The following B3GAT2 variants were observed in gnomAD, a reference collection of about 807,000 sequenced individuals.
The protein encoded by B3GAT2 is beta-1,3-glucuronyltransferase 2.
B3GAT2 carries 26 observed loss-of-function variants against 27.8 expected under a neutral mutation model. The ratio of observed to expected loss-of-function variants is 0.93; its 90% confidence interval spans 0.68 to 1.30. B3GAT2 has a LOEUF of 1.30. Ranked by LOEUF, B3GAT2 falls within the 50% of genes most tolerant of loss-of-function variation. The pLI is 0.00. For synonymous variants in B3GAT2, 218 were observed against 195.1 expected, an observed-to-expected ratio of 1.12 and a Z score of -0.98; for missense variants, 458 against 459.0, an observed-to-expected ratio of 1.00 and a Z score of 0.02.
In B3GAT2 at chr6:70,859,394, G is replaced by A; in HGVS notation, c.*2269C>T. On this transcript the variant is annotated 3_prime_UTR_variant, in exon 4 of 4. Coordinates refer to ENST00000230053, the MANE Select transcript of B3GAT2 (RefSeq NM_080742.3). ...GTGCAATCTACTGGCCAATGACAAG[G>A]TGGTTAAAATGTCCTTTAGTAGGTA... 6.5e-7 allele frequency: 1 copy of A among 1,549,044 alleles called. No homozygotes were observed. Among genetic ancestry groups the A allele is most frequent in the Non-Finnish European group, 8.7e-7 (1 of 1,146,218 alleles).
At position 70,955,961 on chromosome 6, in the gene B3GAT2, T is replaced by C. The variant is rs773719748; in HGVS notation, c.469A>G (p.Thr157Ala). 6.6e-7 allele frequency: 1 copy of C among 1,509,756 alleles called. No homozygotes were observed. Among genetic ancestry groups the C allele is most frequent in the Non-Finnish European group, 8.8e-7 (1 of 1,135,450 alleles). The allele number at this position is 1,509,756 out of a possible 1,614,324, so 93.5% of individuals were successfully genotyped here. A position where few individuals can be genotyped will look rare whatever the true frequency, so the allele number is the denominator to read the frequency against. Reference sequence around the variant, plus strand: ...GCGAGGCCCGCGTTGCGCTGCTCAGTGGCGCGCGGCAGCCCGGGCCGCTTG... The same window carrying C: ...GCGAGGCCCGCGTTGCGCTGCTCAGCGGCGCGCGGCAGCCCGGGCCGCTTG... ...RYKRPGLPRA[T>A]EQRNAGLAWL... Residue 157 changes from threonine to alanine, a missense_variant, in exon 1 of 4, where the codon ACT becomes GCT. Coordinates refer to ENST00000230053, the MANE Select transcript of B3GAT2 (RefSeq NM_080742.3).
At chr6:70,906,985 A>G (rs1772612453) in intron 1 of B3GAT2, among the ~76,000 whole-genome samples, 2 of 152,228 alleles carry the variant, frequency 1.3e-5, no homozygotes, top group Admixed American at 1.3e-4. Flanking sequence ...ACTTACTGAG[A>G]ATGGTGCAGG....
Position 70,857,124 on chromosome 6 carries a change from C to T in B3GAT2, c.*4539G>A, listed in dbSNP as rs1023821611. On this transcript the variant is annotated 3_prime_UTR_variant, in exon 4 of 4. Transcript: ENST00000230053. ...ATCAATTATATATCTTTTATTGTTCCATGTAGTGAGTGCTTTTGTTGTTGC... is the reference window on the plus strand; with the variant it reads ...ATCAATTATATATCTTTTATTGTTCTATGTAGTGAGTGCTTTTGTTGTTGC... The T allele has an allele frequency of 1.6e-6, 2 of 1,251,162 alleles. No homozygotes were observed. Among genetic ancestry groups the T allele is most frequent in the East Asian group, 2.6e-5 (1 of 38,102 alleles). The allele number at this position is 1,251,162 out of a possible 1,614,324, so 77.5% of individuals were successfully genotyped here. A position where few individuals can be genotyped will look rare whatever the true frequency, so the allele number is the denominator to read the frequency against.
intron 1 of B3GAT2, among the ~76,000 whole-genome samples, chr6:70,932,397 T>C (rs1773075866): frequency 6.6e-6 from 1 of 152,178 alleles, no homozygotes; most frequent in South Asian, 2.1e-4. Context: ...GCAACACAAC[T>C]TCCTATCAAG....
chr6:70,858,380 T>C lies in B3GAT2; in HGVS notation c.*3283A>G, dbSNP rs1771536903. 6 of 625,636 alleles carry C rather than the reference T, an allele frequency of 9.6e-6. No homozygotes were observed. Among genetic ancestry groups the C allele is most frequent in the Non-Finnish European group, 1.5e-5 (6 of 395,484 alleles). 38.8% of individuals were successfully genotyped at this position (625,636 alleles called of 1,614,324 possible). Reference sequence around the variant, plus strand: ...TATGTTATAGGGTCAAAAGTATCTATAAATATTATGAAGTTGTATCAGATA... The same window carrying C: ...TATGTTATAGGGTCAAAAGTATCTACAAATATTATGAAGTTGTATCAGATA... On this transcript the variant is annotated 3_prime_UTR_variant, in exon 4 of 4. Coordinates refer to ENST00000230053, the MANE Select transcript of B3GAT2 (RefSeq NM_080742.3).
intron 1 of B3GAT2, among the ~76,000 whole-genome samples, chr6:70,930,757 C>T (rs980202971): frequency 1.3e-5 from 2 of 152,144 alleles, no homozygotes; most frequent in African/African-American, 4.8e-5. Context: ...CTCGTTCAAC[C>T]ATGTGGAAGA....
chr6:70,880,623 G>A (rs1338065074), intron 2 of B3GAT2, among the ~76,000 whole-genome samples: 1 of 151,802 alleles, frequency 6.6e-6, no homozygotes, highest in African/African-American at 2.4e-5. Context: ...CAAGTAGCTA[G>A]GACTACAGCG....
chr6:70,916,599 G>C (rs1173291103), intron 1 of B3GAT2, among the ~76,000 whole-genome samples: 2 of 152,158 alleles, frequency 1.3e-5, no homozygotes. Flanking sequence ...AGAGTTTTTA[G>C]CATGAAAGGC....
intron 1 of B3GAT2, among the ~76,000 whole-genome samples, chr6:70,945,549 G>A (rs1187598694): frequency 1.3e-5 from 2 of 151,544 alleles, no homozygotes; most frequent in Non-Finnish European, 1.5e-5. Context: ...AATGAACAAA[G>A]CCTCCAAGAA....
At chr6:70,938,328 C>A in intron 1 of B3GAT2, among the ~76,000 whole-genome samples, 1 of 142,490 alleles carries the variant, frequency 7.0e-6, no homozygotes, top group South Asian at 2.3e-4. Flanking sequence ...GCCATACTGC[C>A]CAAGGTAATT....
At chr6:70,940,791 G>A (rs1765380682) in intron 1 of B3GAT2, among the ~76,000 whole-genome samples, 1 of 152,166 alleles carries the variant, frequency 6.6e-6, no homozygotes, top group Non-Finnish European at 1.5e-5. Context: ...AGCCAGGCAT[G>A]ATGGCTTGCA....
Position 70,857,103 on chromosome 6 carries a change from A to G in B3GAT2, c.*4560T>C. The G allele has an allele frequency of 7.2e-7, 1 of 1,382,614 alleles. No homozygotes were observed. The highest frequency in any genetic ancestry group is 9.7e-7 in the Non-Finnish European group (1 of 1,034,594). 85.6% of individuals were successfully genotyped at this position (1,382,614 alleles called of 1,614,324 possible). A position where few individuals can be genotyped will look rare whatever the true frequency, so the allele number is the denominator to read the frequency against. On this transcript the variant is annotated 3_prime_UTR_variant, in exon 4 of 4. Coordinates refer to ENST00000230053, the MANE Select transcript of B3GAT2 (RefSeq NM_080742.3). ...CCTTTGTAATTATATAATAAGATCAATTATATATCTTTTATTGTTCCATGT... is the reference window on the plus strand; with the variant it reads ...CCTTTGTAATTATATAATAAGATCAGTTATATATCTTTTATTGTTCCATGT...
intron 1 of B3GAT2, among the ~76,000 whole-genome samples, chr6:70,902,293 T>A (rs1772512839): frequency 6.6e-6 from 1 of 151,616 alleles, no homozygotes. Context: ...AAAAGGACAG[T>A]CTCTTCAGCA....
intron 1 of B3GAT2, among the ~76,000 whole-genome samples, chr6:70,943,433 G>T (rs1765424255): frequency 6.6e-6 from 1 of 152,114 alleles, no homozygotes; most frequent in Non-Finnish European, 1.5e-5. Flanking sequence ...CAGGCCCCCA[G>T]CTCCTCTCCT....
chr6:70,951,494 T>C (rs910736609), intron 1 of B3GAT2, among the ~76,000 whole-genome samples: 2 of 152,180 alleles, frequency 1.3e-5, no homozygotes, highest in Non-Finnish European at 2.9e-5. Flanking sequence ...TTCATGTCTA[T>C]TCACGAGACA....
At chr6:70,876,941 G>A (rs1318167007) in intron 2 of B3GAT2, among the ~76,000 whole-genome samples, 3 of 152,200 alleles carry the variant, frequency 2.0e-5, no homozygotes, top group Non-Finnish European at 4.4e-5. Context: ...ACTGAAATCT[G>A]AGAGGGACTT....
At chr6:70,903,635 T>C (rs745665391) in intron 1 of B3GAT2, among the ~76,000 whole-genome samples, 57 of 152,146 alleles carry the variant, frequency 3.7e-4, no homozygotes, top group Non-Finnish European at 5.9e-4. Context: ...AAATGGAAAT[T>C]AAAACCACAA....
intron 1 of B3GAT2, among the ~76,000 whole-genome samples, chr6:70,940,653 C>A (rs180905885): frequency 1.3e-5 from 2 of 152,258 alleles, no homozygotes; most frequent in African/African-American, 4.8e-5. Flanking sequence ...TAGGGCCAGG[C>A]ACCGTGGCTC....
chr6:70,924,980 A>G (rs112498261), intron 1 of B3GAT2, among the ~76,000 whole-genome samples: 212 of 152,336 alleles, frequency 1.4e-3, no homozygotes, highest in African/African-American at 4.9e-3. Flanking sequence ...ATGTCTTTTC[A>G]GGCTTTTGCA....
Sources: gnomAD v4.1 joint callset for allele counts (sites outside exome capture counted in the v4.1 genomes callset) on GRCh38, gnomAD v4.1.1 for gene constraint, MANE v1.5 for transcripts, NCBI Gene and HGNC (gene_info 2026-07-23, HGNC 2026-07-21) for gene names.